Variants in C14orf39 observed in about 807,000 individuals in gnomAD.
C14orf39 encodes the protein protein SIX6OS1.
A neutral mutation model predicts 85.6 loss-of-function variants in C14orf39; 66 were observed. The observed-to-expected ratio is 0.77, with a 90% CI of 0.63 to 0.95. The LOEUF (loss-of-function observed/expected upper bound fraction) is 0.95. C14orf39 is among the 40% of genes least tolerant of loss of function. The probability of loss-of-function intolerance (pLI) is 0.00; values close to 1 mark genes in which losing one functional copy is unlikely to be tolerated. For synonymous variants in C14orf39, 242 were observed against 214.0 expected (o/e 1.13, Z -1.14); for missense variants, 735 against 663.9 (o/e 1.11, Z -1.18).
intron 2 of C14orf39, among the ~76,000 whole-genome samples, chr14:60,493,037 T>C (rs1893014907): frequency 6.6e-6 from 1 of 152,190 alleles, no homozygotes; most frequent in Non-Finnish European, 1.5e-5. Flanking sequence ...AACTGAATTA[T>C]GTCACCTAAT....
intron 1 of C14orf39, among the ~76,000 whole-genome samples, chr14:60,485,315 A>G (rs909179895): frequency 2.0e-5 from 3 of 152,292 alleles, no homozygotes; most frequent in African/African-American, 7.2e-5. Flanking sequence ...CACGACTTGA[A>G]GTTTTGGGGA....
intron 5 of C14orf39, among the ~76,000 whole-genome samples, chr14:60,476,720 T>C (rs1322982178): frequency 2.0e-5 from 3 of 152,176 alleles, no homozygotes; most frequent in Admixed American, 6.5e-5. Context: ...CATTGACAGA[T>C]GCTATAAGAA....
rs143493145 is a variant in C14orf39 at position 60,514,161 on chromosome 14, C to T, written c.-144+1234G>A. Among the ~76,000 whole-genome samples, 363 of 152,226 alleles carry T rather than the reference C, an allele frequency of 2.4e-3. 1 individual carries two copies. The highest frequency in any genetic ancestry group is 8.5e-3 in the African/African-American group (353 of 41,530). On this transcript the variant is annotated intron_variant, in intron 1 of 5. Transcript: ENST00000556799. ...ATTTTATTTTAATCTTTCCAATCTT[C>T]CCAAGGACATTTAAAGGGTTTCTTT... is the stretch of plus-strand genomic sequence containing the variant.
rs773966957 is a variant in C14orf39 at position 60,455,144 on chromosome 14, T to C, written c.1360A>G (p.Asn454Asp). ...TCAGGTACTGCATTTCTATTTCTGT[T>C]ACTGAGAAATAAGAAATTATCAAAA... ...KFPKTPPFEI[N>D]RNRNAVPEVQ... is the part of the protein sequence containing the mutation. Residue 454 changes from asparagine (N) to aspartate (D), a missense_variant and splice_region_variant, in exon 16 of 18, where the codon AAC (asparagine) becomes GAC (aspartate). Asn to Asp is a conservative substitution (Grantham distance 23). Coordinates refer to ENST00000321731, the MANE Select transcript of C14orf39 (RefSeq NM_174978.3). The C allele has an allele frequency of 7.1e-6, 11 of 1,542,664 alleles. No individual in the cohort carries two copies. Among genetic ancestry groups the C allele is most frequent in the Non-Finnish European group, 9.6e-6 (11 of 1,149,040 alleles).
intron 17 of C14orf39, among the ~76,000 whole-genome samples, chr14:60,438,320 A>G (rs1292496246): frequency 1.3e-5 from 2 of 151,974 alleles, no homozygotes; most frequent in Non-Finnish European, 2.9e-5. Flanking sequence ...TCCCTTTCTC[A>G]CTTTATTTTT....
At chr14:60,456,788 T>C in intron 15 of C14orf39, 129 bp downstream of exon 15, 1 of 740,986 alleles carries the variant, frequency 1.3e-6, no homozygotes, top group Middle Eastern at 4.2e-4. Context: ...GTCTTTCTCT[T>C]CTTTGCATGT....
intron 5 of C14orf39, among the ~76,000 whole-genome samples, chr14:60,473,658 G>T (rs1595475376): frequency 6.6e-6 from 1 of 152,076 alleles, no homozygotes; most frequent in Admixed American, 6.5e-5. Flanking sequence ...ATTAAATAGG[G>T]AATCCTTTCC....
At chr14:60,501,465 C>A (rs1361113138) in intron 1 of C14orf39, among the ~76,000 whole-genome samples, 2 of 152,112 alleles carry the variant, frequency 1.3e-5, no homozygotes, top group Non-Finnish European at 2.9e-5. Context: ...CCAGCAGCCA[C>A]CAGAAGCTGG....
chr14:60,480,387 C>T (rs750549645), intron 4 of C14orf39, among the ~76,000 whole-genome samples: 1 of 152,098 alleles, frequency 6.6e-6, no homozygotes, highest in Non-Finnish European at 1.5e-5. Flanking sequence ...GAGATCGCGC[C>T]ATTGCACTCC....
At position 60,448,291 on chromosome 14, in the gene C14orf39, C is replaced by T. The variant is rs532752559; in HGVS notation, c.1504-6160G>A. 2.6e-5 allele frequency among the ~76,000 whole-genome samples: 4 copies of T among 152,028 alleles called. 1 individual carries two copies. In the South Asian group the frequency reaches 8.3e-4, roughly 32 times the overall value. ...ATGGGAGAAAATTTTTGCAATCTAC[C>T]CATCTGACAACGGGCTAATATCCAG... On this transcript the variant is annotated intron_variant, in intron 16 of 17. Transcript: ENST00000321731.
At chr14:60,440,493 G>GT (rs1890457443) in intron 17 of C14orf39, among the ~76,000 whole-genome samples, 1 of 152,080 alleles carries the variant, frequency 6.6e-6, no homozygotes, top group Non-Finnish European at 1.5e-5. Flanking sequence ...AATCTGACAT[G>GT]TTCTCACCAC....
chr14:60,495,559 G>T, intron 2 of C14orf39: 2 of 234,850 alleles, frequency 8.5e-6, no homozygotes, highest in South Asian at 7.9e-5. Flanking sequence ...GAGTACATGG[G>T]AATGCCATTG....
At chr14:60,459,154 T>C (rs999425724) in intron 13 of C14orf39, among the ~76,000 whole-genome samples, 1 of 151,910 alleles carries the variant, frequency 6.6e-6, no homozygotes, top group Non-Finnish European at 1.5e-5. Context: ...TGTATGCTCT[T>C]ATGTTTTGGT....
intron 1 of C14orf39, among the ~76,000 whole-genome samples, chr14:60,506,467 G>T (rs573349936): frequency 3.3e-5 from 5 of 152,304 alleles, no homozygotes; most frequent in African/African-American, 1.2e-4. Context: ...CCAAAAGAGG[G>T]TTATTCCTAA....
At chr14:60,477,817 G>C (rs538526683) in intron 5 of C14orf39, among the ~76,000 whole-genome samples, 1 of 152,026 alleles carries the variant, frequency 6.6e-6, no homozygotes, top group East Asian at 1.9e-4. Context: ...GGATTAGAGA[G>C]AGCTTTACAA....
At chr14:60,440,770 C>T (rs900831921) in intron 17 of C14orf39, among the ~76,000 whole-genome samples, 10 of 152,256 alleles carry the variant, frequency 6.6e-5, no homozygotes, top group African/African-American at 1.7e-4. Context: ...AATCTCCCAC[C>T]AGTCTCTCCT....
At chr14:60,442,186 T>C (rs1890547687) in intron 16 of C14orf39, 55 bp from the exon 17 acceptor site, 1 of 1,105,052 alleles carries the variant, frequency 9.0e-7, no homozygotes, top group Non-Finnish European at 1.3e-6. Context: ...ACAGTATATA[T>C]AGTACATATA....
upstream of C14orf39, among the ~76,000 whole-genome samples, chr14:60,486,401 A>G (rs183026752): frequency 6.6e-6 from 1 of 152,258 alleles, no homozygotes; most frequent in Non-Finnish European, 1.5e-5. Context: ...TTAACTTTTA[A>G]CAAGAGTAAA....
chr14:60,474,979 C>G (rs1892298623), intron 5 of C14orf39, among the ~76,000 whole-genome samples: 1 of 152,124 alleles, frequency 6.6e-6, no homozygotes, highest in African/African-American at 2.4e-5. Flanking sequence ...AGGAATGGTA[C>G]CAGCTCCTCC....
Sources: allele counts gnomAD v4.1 joint callset (sites outside exome capture counted in the v4.1 genomes callset), GRCh38; gene constraint gnomAD v4.1.1; transcripts MANE v1.5; gene names NCBI Gene and HGNC (gene_info 2026-07-23, HGNC 2026-07-21).